The following SCARB1 variants were observed in gnomAD, a reference collection of about 807,000 sequenced individuals.
SCARB1 encodes scavenger receptor class B member 1.
In SCARB1, 30 loss-of-function variants were observed where a neutral mutation model predicts 57.2. The ratio of observed to expected loss-of-function variants is 0.52; its 90% CI spans 0.39 to 0.71. The LOEUF is 0.71. SCARB1 is among the 30% of genes least tolerant of loss of function. The pLI, the probability that SCARB1 is intolerant of heterozygous loss-of-function variation, is 0.00. For missense variants in SCARB1, 543 were observed against 671.2 expected, an observed-to-expected ratio of 0.81 and a Z score of 2.11; for synonymous variants, 249 against 268.3, an observed-to-expected ratio of 0.93 and a Z score of 0.70.
At chr12:124,802,144 T>A in intron 7 of SCARB1, among the ~76,000 whole-genome samples, 1 of 113,968 alleles carries the variant, frequency 8.8e-6, no homozygotes. Context: ...AGCAAGACTG[T>A]GTCTCAAAAA....
At chr12:124,844,059 T>C (rs969978562) in intron 1 of SCARB1, among the ~76,000 whole-genome samples, 4 of 151,994 alleles carry the variant, frequency 2.6e-5, no homozygotes, top group African/African-American at 9.7e-5. Flanking sequence ...CCCCAGGAAA[T>C]TGTGGAGAAG....
At chr12:124,782,921 G>A in intron 11 of SCARB1, 110 bp from the exon 12 acceptor site, 1 of 1,139,550 alleles carries the variant, frequency 8.8e-7, no homozygotes, top group Non-Finnish European at 1.3e-6. Flanking sequence ...AGGCACATAA[G>A]TTTAGAGTCC....
intron 1 of SCARB1, chr12:124,821,336 A>G: frequency 1.0e-6 from 1 of 982,128 alleles, no homozygotes; most frequent in Non-Finnish European, 1.2e-6. Flanking sequence ...GTTTCTCAGC[A>G]GAGGCTGCTG....
chr12:124,847,595 A>G (rs1952217426), intron 1 of SCARB1, among the ~76,000 whole-genome samples: 1 of 152,196 alleles, frequency 6.6e-6, no homozygotes. Context: ...CAGATCCGCC[A>G]TCTCTTCCCA....
chr12:124,811,826 T>C, intron 5 of SCARB1, 44 bp downstream of exon 5: 2 of 1,388,430 alleles, frequency 1.4e-6, no homozygotes, highest in South Asian at 2.4e-5. Context: ...GGGCCCACCC[T>C]CCCCTCTCCC....
At position 124,824,130 on chromosome 12, in the gene SCARB1, C is replaced by T. The variant is rs368159827; in HGVS notation, c.127-6423G>A. Among the ~76,000 whole-genome samples the T allele has an allele frequency of 4.9e-4, 73 of 148,714 alleles. 1 individual carries two copies. In the South Asian group the frequency reaches 0.014, roughly 29 times the overall value. On this transcript the variant is annotated intron_variant, in intron 1 of 12. Coordinates refer to ENST00000261693, the MANE Select transcript of SCARB1 (RefSeq NM_005505.5). ...CGGAGGTTGCAGTGAGAGCCGAGAT[C>T]GCGCCGCTGCACTCCAGCCTGGGTA...
At chr12:124,839,967 C>T (rs71446210) in intron 1 of SCARB1, 4 of 35,956 alleles carry the variant, frequency 1.1e-4, no homozygotes, top group East Asian at 2.8e-4. Flanking sequence ...TTCTCCGCAC[C>T]CTCACCCCAA....
intron 4 of SCARB1, among the ~76,000 whole-genome samples, chr12:124,813,668 A>G (rs945997402): frequency 6.6e-6 from 1 of 152,086 alleles, no homozygotes; most frequent in Admixed American, 6.5e-5. Context: ...AAACGTACTG[A>G]GTATCTATCA....
At chr12:124,837,341 C>A (rs1455349986) in intron 1 of SCARB1, among the ~76,000 whole-genome samples, 1 of 151,728 alleles carries the variant, frequency 6.6e-6, no homozygotes, top group Admixed American at 6.6e-5. Context: ...AGCCTGTGGA[C>A]CAAATCCAGC....
chr12:124,849,748 C>G (rs1467267342), intron 1 of SCARB1, among the ~76,000 whole-genome samples: 1 of 152,222 alleles, frequency 6.6e-6, no homozygotes, highest in Non-Finnish European at 1.5e-5. Flanking sequence ...AACAATCTGA[C>G]AGCTGATGAA....
chr12:124,848,834 C>T (rs532299593), intron 1 of SCARB1, among the ~76,000 whole-genome samples: 2 of 152,170 alleles, frequency 1.3e-5, no homozygotes, highest in South Asian at 2.1e-4. Context: ...GCGATGACAG[C>T]GTGAGAAACC....
rs564096853 is a variant in SCARB1 at position 124,822,935 on chromosome 12, C to G, written c.127-5228G>C. ...CACCCATGACATGCTATATTTACCGCTATGGAACAATCTCCAGAATATTTT... is the reference window on the plus strand; with the variant it reads ...CACCCATGACATGCTATATTTACCGGTATGGAACAATCTCCAGAATATTTT... On this transcript the variant is annotated intron_variant, in intron 1 of 12. Transcript: ENST00000261693. The surrounding 1 kb of genome is among the most constrained non-coding windows in gnomAD (Gnocchi z 5.0). 6.6e-6 allele frequency among the ~76,000 whole-genome samples: 1 copy of G among 152,112 alleles called. No homozygotes were observed. Among genetic ancestry groups the G allele is most frequent in the South Asian group, 2.1e-4 (1 of 4,800 alleles).
chr12:124,847,095 C>T (rs1952192772), intron 1 of SCARB1, among the ~76,000 whole-genome samples: 1 of 152,230 alleles, frequency 6.6e-6, no homozygotes, highest in South Asian at 2.1e-4. Flanking sequence ...GGGGTGATTG[C>T]ATGCATGTTC....
intron 1 of SCARB1, among the ~76,000 whole-genome samples, chr12:124,836,915 T>G (rs10846753): frequency 0.28 from 42,684 of 152,174 alleles, 6,498 homozygotes; most frequent in East Asian, 0.42. Context: ...AAACCCAATG[T>G]TGGCACAGAG....
chr12:124,787,991 T>C (rs1180729253), intron 9 of SCARB1, among the ~76,000 whole-genome samples: 2 of 152,248 alleles, frequency 1.3e-5, no homozygotes, highest in Non-Finnish European at 2.9e-5. Flanking sequence ...TGGCTATGCC[T>C]AATTTATAAA....
At chr12:124,823,199 G>A (rs1411308151) in intron 1 of SCARB1, among the ~76,000 whole-genome samples, 1 of 152,180 alleles carries the variant, frequency 6.6e-6, no homozygotes, top group African/African-American at 2.4e-5. Flanking sequence ...TATGTTCACT[G>A]AAAAATGTAT....
chr12:124,852,430 G>T (rs1054118816), intron 1 of SCARB1, among the ~76,000 whole-genome samples: 1 of 152,206 alleles, frequency 6.6e-6, no homozygotes. Flanking sequence ...CGAGGAGGGA[G>T]GCCCGGAGAA....
At chr12:124,782,177 G>A (rs1023660267) in intron 12 of SCARB1, among the ~76,000 whole-genome samples, 1 of 152,078 alleles carries the variant, frequency 6.6e-6, no homozygotes, top group Admixed American at 6.6e-5. Flanking sequence ...CCAAAGTGCT[G>A]GATTACAGGT....
chr12:124,807,588 C>T lies in SCARB1; in HGVS notation c.1009+173G>A, dbSNP rs917320441. On this transcript the variant is annotated intron_variant, in intron 7 of 12. Coordinates refer to ENST00000261693, the MANE Select transcript of SCARB1 (RefSeq NM_005505.5). This position sits in a 1 kb window ranked among gnomAD's most constrained non-coding sequence, Gnocchi z 5.3. ...ATATATTGTGACAGCAACTAATAGA[C>T]CTGGCATTTCTTCCTTTTCAGATTA... 6.6e-6 allele frequency among the ~76,000 whole-genome samples: 1 copy of T among 152,200 alleles called. No homozygotes were observed. Among genetic ancestry groups the T allele is most frequent in the African/African-American group, 2.4e-5 (1 of 41,454 alleles).
Sources: allele counts gnomAD v4.1 joint callset (sites outside exome capture counted in the v4.1 genomes callset), GRCh38; gene constraint gnomAD v4.1.1; non-coding constraint Gnocchi (gnomAD v3.1); transcripts MANE v1.5; gene names NCBI Gene and HGNC (gene_info 2026-07-23, HGNC 2026-07-21).